The following RAD51B variants were observed in gnomAD, a reference collection of about 807,000 sequenced individuals.
The protein encoded by RAD51B is RAD51 paralog B, also known as DNA repair protein RAD51 homolog 2.
A neutral mutation model predicts 42.2 loss-of-function variants in RAD51B; 38 were observed. The observed-to-expected ratio is 0.90, with a 90% CI of 0.70 to 1.18. The LOEUF (loss-of-function observed/expected upper bound fraction) is 1.18, where lower values mean the gene tolerates loss of function less well. Ranked by LOEUF, RAD51B falls within the 50% of genes most tolerant of loss-of-function variation. The probability of loss-of-function intolerance (pLI) is 0.00; values close to 1 mark genes in which losing one functional copy is unlikely to be tolerated. For synonymous variants in RAD51B, 154 were observed against 145.2 expected (o/e 1.06, Z -0.43); for missense variants, 373 against 400.7 (o/e 0.93, Z 0.59).
chr14:68,051,309 C>T (rs945280208), intron 7 of RAD51B, among the ~76,000 whole-genome samples: 1 of 152,102 alleles, frequency 6.6e-6, no homozygotes, highest in Non-Finnish European at 1.5e-5. Context: ...TATTCTACAA[C>T]ATGACTTAAT....
chr14:68,360,949 A>T (rs1454187579), intron 8 of RAD51B, among the ~76,000 whole-genome samples: 1 of 152,170 alleles, frequency 6.6e-6, no homozygotes, highest in East Asian at 1.9e-4. Context: ...TCCCTATAGC[A>T]TTCCTTCCTC....
At chr14:68,447,489 G>GA (rs11322675) in intron 9 of RAD51B, among the ~76,000 whole-genome samples, 6 of 150,154 alleles carry the variant, frequency 4.0e-5, no homozygotes, top group Non-Finnish European at 8.9e-5. Context: ...ACAGTAGAGA[G>GA]AAAAAAAAAA....
chr14:67,918,065 G>A, intron 7 of RAD51B, among the ~76,000 whole-genome samples: 1 of 151,976 alleles, frequency 6.6e-6, no homozygotes, highest in Non-Finnish European at 1.5e-5. Context: ...TTTAAATGAT[G>A]GATGGGAGGA....
At chr14:68,065,715 G>A (rs2076639665) in intron 7 of RAD51B, among the ~76,000 whole-genome samples, 2 of 152,096 alleles carry the variant, frequency 1.3e-5, no homozygotes, top group Non-Finnish European at 2.9e-5. Flanking sequence ...TTGAGGTGCT[G>A]CAACCCTTGG....
chr14:68,660,583 G>A (rs1301255054), intron 11 of RAD51B, among the ~76,000 whole-genome samples: 1 of 152,200 alleles, frequency 6.6e-6, no homozygotes, highest in South Asian at 2.1e-4. Flanking sequence ...CAGACACGGG[G>A]TTCCAGAGCA....
chr14:68,280,867 T>A (rs1336195758), intron 7 of RAD51B, among the ~76,000 whole-genome samples: 6 of 151,662 alleles, frequency 4.0e-5, no homozygotes, highest in African/African-American at 1.5e-4. Flanking sequence ...CAGCCTGGGC[T>A]GGGAACATAG....
At chr14:68,061,297 G>T (rs1431111869) in intron 7 of RAD51B, among the ~76,000 whole-genome samples, 2 of 151,952 alleles carry the variant, frequency 1.3e-5, no homozygotes, top group Non-Finnish European at 2.9e-5. Flanking sequence ...TCAAACTCCT[G>T]GCCTCAAATG....
chr14:68,415,897 G>C (rs1265123566), intron 9 of RAD51B, among the ~76,000 whole-genome samples: 1 of 152,186 alleles, frequency 6.6e-6, no homozygotes, highest in East Asian at 1.9e-4. Flanking sequence ...AATGAATCCT[G>C]ACTAAGCCTC....
At chr14:68,173,469 C>T (rs1459677796) in intron 7 of RAD51B, among the ~76,000 whole-genome samples, 1 of 152,156 alleles carries the variant, frequency 6.6e-6, no homozygotes, top group Non-Finnish European at 1.5e-5. Context: ...AACTTTTGGG[C>T]TGTAGATTTT....
chr14:68,681,726 C>G (rs1893434936), intron 11 of RAD51B, among the ~76,000 whole-genome samples: 1 of 152,178 alleles, frequency 6.6e-6, no homozygotes, highest in South Asian at 2.1e-4. Flanking sequence ...TATAAATAAC[C>G]TCCCTCCTGT....
chr14:68,437,162 A>G (rs2085166694), intron 9 of RAD51B, among the ~76,000 whole-genome samples: 1 of 152,082 alleles, frequency 6.6e-6, no homozygotes, highest in South Asian at 2.1e-4. Flanking sequence ...TTTGTTATAG[A>G]TGACTCTATT....
chr14:68,451,200 A>G (rs1188998624), intron 9 of RAD51B, among the ~76,000 whole-genome samples: 1 of 152,198 alleles, frequency 6.6e-6, no homozygotes, highest in Non-Finnish European at 1.5e-5. Context: ...TAAACTCCTT[A>G]TATATCCAGT....
At chr14:68,001,219 G>A (rs116184528) in intron 7 of RAD51B, among the ~76,000 whole-genome samples, 2,009 of 152,062 alleles carry the variant, frequency 0.013, 19 homozygotes, top group Middle Eastern at 0.02. Flanking sequence ...GCAAACTATC[G>A]TATATTTTCT....
intron 9 of RAD51B, among the ~76,000 whole-genome samples, chr14:68,432,138 T>A (rs150811756): frequency 6.6e-6 from 1 of 152,144 alleles, no homozygotes; most frequent in South Asian, 2.1e-4. Context: ...ATTTCTGTTC[T>A]TTTACATTTA....
At chr14:67,868,554 C>T (rs1264485222) in intron 5 of RAD51B, among the ~76,000 whole-genome samples, 3 of 152,230 alleles carry the variant, frequency 2.0e-5, no homozygotes, top group Non-Finnish European at 2.9e-5. Flanking sequence ...AACAAAGCAG[C>T]CAGGAAGCTC....
intron 4 of RAD51B, among the ~76,000 whole-genome samples, chr14:67,857,402 C>T (rs1208775916): frequency 6.6e-6 from 1 of 152,206 alleles, no homozygotes; most frequent in Non-Finnish European, 1.5e-5. Flanking sequence ...TATACTGAAT[C>T]AGTACATAAA....
intron 7 of RAD51B, among the ~76,000 whole-genome samples, chr14:68,120,151 C>A (rs1387249014): frequency 6.6e-6 from 1 of 151,916 alleles, no homozygotes; most frequent in Non-Finnish European, 1.5e-5. Flanking sequence ...CCTTCACCCA[C>A]TTTTTGATGG....
At chr14:67,944,930 A>G (rs887941171) in intron 7 of RAD51B, among the ~76,000 whole-genome samples, 5 of 152,196 alleles carry the variant, frequency 3.3e-5, no homozygotes, top group African/African-American at 1.2e-4. Context: ...ATGAATTTGA[A>G]TCATTGTGAT....
rs75643124 is a variant in RAD51B, at chr14:68,290,410, C to A, written c.757-1474C>A. The stretch of plus-strand genomic sequence containing the variant: ...AGAAAAGAATCTGTATTTATTCTTC[C>A]TCTAGGCTTCTAAACAATAAGGTAG... On this transcript the variant is annotated intron_variant, in intron 7 of 10. Coordinates refer to ENST00000471583, the MANE Select transcript of RAD51B (RefSeq NM_133510.4). 4.2e-4 allele frequency among the ~76,000 whole-genome samples: 64 copies of A among 152,280 alleles called. No individual in the cohort carries two copies. The East Asian group carries it at 0.012, about 28-fold the overall frequency.
Sources: allele counts gnomAD v4.1 joint callset (sites outside exome capture counted in the v4.1 genomes callset), GRCh38; gene constraint gnomAD v4.1.1; transcripts MANE v1.5; gene names NCBI Gene and HGNC (gene_info 2026-07-23, HGNC 2026-07-21).